DTL: variants seen among roughly 807,000 people sequenced by gnomAD.
DTL encodes denticleless E3 ubiquitin protein ligase adapter.
DTL carries 46 observed loss-of-function variants against 87.0 expected under a neutral mutation model. That is an observed-to-expected ratio of 0.53 (90% CI 0.42 to 0.68). The LOEUF (loss-of-function observed/expected upper bound fraction) is 0.68, where lower values mean the gene tolerates loss of function less well. DTL is among the 30% of genes least tolerant of loss of function. DTL has a pLI of 0.00. For synonymous variants in DTL, 308 were observed against 311.2 expected, an observed-to-expected ratio of 0.99 and a Z score of 0.11; for missense variants, 737 against 869.4, an observed-to-expected ratio of 0.85 and a Z score of 1.91.
At chr1:212,060,309 A>C (rs1668305176) in intron 5 of DTL, among the ~76,000 whole-genome samples, 1 of 152,260 alleles carries the variant, frequency 6.6e-6, no homozygotes, top group Non-Finnish European at 1.5e-5. Context: ...TAGAGAATTC[A>C]GAAATAAATC....
intron 13 of DTL, among the ~76,000 whole-genome samples, chr1:212,088,012 G>C (rs1655180458): frequency 6.6e-6 from 1 of 152,114 alleles, no homozygotes; most frequent in Non-Finnish European, 1.5e-5. Context: ...AGATCTCATA[G>C]CACTGTTGAA....
At chr1:212,090,210 A>T (rs778541630) in intron 13 of DTL, among the ~76,000 whole-genome samples, 2 of 152,208 alleles carry the variant, frequency 1.3e-5, no homozygotes, top group Non-Finnish European at 2.9e-5. Flanking sequence ...GGTTCTAAAC[A>T]TATGGTTGAT....
At chr1:212,100,148 T>C (rs1655572097) in intron 13 of DTL, 104 bp from the exon 14 acceptor site, 2 of 804,072 alleles carry the variant, frequency 2.5e-6, no homozygotes, top group Non-Finnish European at 3.9e-6. Flanking sequence ...TACTGGCAAA[T>C]TGACCCTTAG....
Position 212,100,702 on chromosome 1 carries a change from G to A in DTL, c.1712G>A (p.Cys571Tyr). 6.2e-7 allele frequency: 1 copy of A among 1,614,164 alleles called. No individual in the cohort carries two copies. The highest frequency in any genetic ancestry group is 8.5e-7 in the Non-Finnish European group (1 of 1,180,028). ...GTGAAACAAAAGTGTGTGAAGAGTT[G>A]TAACTGTGTGACTGAGCTTGATGGC... Reference protein sequence around the residue: ...ESVKQKCVKSCNCVTELDGQV... With the variant: ...ESVKQKCVKSYNCVTELDGQV... Residue 571 changes from cysteine to tyrosine, a missense_variant, in exon 14 of 15, where the codon TGT (cysteine) becomes TAT (tyrosine). Physicochemically the swap from Cys to Tyr is radical, Grantham distance 194 (BLOSUM62 -2). Coordinates refer to ENST00000366991, the MANE Select transcript of DTL (RefSeq NM_016448.4).
Position 212,078,349 on chromosome 1 carries a change from A to G in DTL, c.1125+87A>G. On this transcript the variant is annotated intron_variant, in intron 12 of 14. Transcript: ENST00000366991. ...AAGGTTTGTTTTGAGAATGATATAA[A>G]TTTTTATGTTTAAGTTGAGATTTTA... 3 of 842,708 alleles carry G rather than the reference A, an allele frequency of 3.6e-6. No individual in the cohort carries two copies. The South Asian group carries it at 4.7e-5, about 13-fold the overall frequency. The allele number at this position is 842,708 out of a possible 1,614,324, so 52.2% of individuals were successfully genotyped here.
intron 14 of DTL, among the ~76,000 whole-genome samples, chr1:212,102,630 C>A (rs1655656328): frequency 6.6e-6 from 1 of 151,870 alleles, no homozygotes; most frequent in African/African-American, 2.4e-5. Flanking sequence ...CATAAGAAGT[C>A]TATGCCTTCT....
intron 6 of DTL, among the ~76,000 whole-genome samples, chr1:212,063,501 G>A (rs1476489095): frequency 6.6e-6 from 1 of 151,886 alleles, no homozygotes; most frequent in Non-Finnish European, 1.5e-5. Context: ...ATGTTGGCCA[G>A]GCTGGTCTCA....
At position 212,065,047 on chromosome 1, in the gene DTL, T is replaced by C; in HGVS notation, c.639+18T>C. On this transcript the variant is annotated intron_variant, in intron 7 of 14. Coordinates refer to ENST00000366991, the MANE Select transcript of DTL (RefSeq NM_016448.4). The stretch of plus-strand genomic sequence containing the variant: ...CTTCTGTGGTAAGGTTTTACAGATG[T>C]ATACATGTGTGCAGATCTTATCTGT... 5 of 1,538,570 alleles carry C rather than the reference T, an allele frequency of 3.2e-6. No homozygotes were observed. The highest frequency in any genetic ancestry group is 4.5e-6 in the Non-Finnish European group (5 of 1,111,364).
chr1:212,102,653 C>T (rs1221779833), intron 14 of DTL, among the ~76,000 whole-genome samples, 189 bp from the exon 15 acceptor site: 1 of 152,158 alleles, frequency 6.6e-6, no homozygotes, highest in Non-Finnish European at 1.5e-5. Context: ...CCCTACATAT[C>T]ATCTGTTAAG....
At position 212,104,138 on chromosome 1, in the gene DTL, T is replaced by G. The variant is rs543645943; in HGVS notation, c.*1198T>G. Reference sequence around the variant, plus strand: ...AACCATTGTTTTATATTTTTCACCTTTGTAACCTCATGGAAAGAGGCTTTA... The same window carrying G: ...AACCATTGTTTTATATTTTTCACCTGTGTAACCTCATGGAAAGAGGCTTTA... On this transcript the variant is annotated 3_prime_UTR_variant, in exon 15 of 15. Coordinates refer to ENST00000366991, the MANE Select transcript of DTL (RefSeq NM_016448.4). The G allele has an allele frequency of 6.6e-6, 1 of 152,342 alleles. No individual in the cohort carries two copies. The highest frequency in any genetic ancestry group is 1.9e-4 in the East Asian group (1 of 5,186). 9.4% of individuals were successfully genotyped at this position (152,342 alleles called of 1,614,324 possible).
At chr1:212,073,777 T>A (rs537957964) in intron 11 of DTL, among the ~76,000 whole-genome samples, 5 of 152,168 alleles carry the variant, frequency 3.3e-5, no homozygotes, top group Non-Finnish European at 7.4e-5. Context: ...AAGTATATAC[T>A]TGACTCCATC....
intron 13 of DTL, among the ~76,000 whole-genome samples, chr1:212,099,949 A>G (rs1294162077): frequency 6.6e-6 from 1 of 152,190 alleles, no homozygotes; most frequent in African/African-American, 2.4e-5. Context: ...TCACATGCAC[A>G]AATATAGAAA....
At chr1:212,098,122 G>A (rs751315792) in intron 13 of DTL, among the ~76,000 whole-genome samples, 1 of 152,202 alleles carries the variant, frequency 6.6e-6, no homozygotes, top group African/African-American at 2.4e-5. Context: ...TCTAATGGAG[G>A]TGGTAGGAAA....
chr1:212,078,945 G>A (rs1654914061), intron 12 of DTL, among the ~76,000 whole-genome samples: 2 of 152,126 alleles, frequency 1.3e-5, no homozygotes, highest in Non-Finnish European at 2.9e-5. Flanking sequence ...GAGTTATTCT[G>A]GGTTCTACAG....
chr1:212,044,786 T>C, intron 3 of DTL, 28 bp downstream of exon 3: 1 of 1,445,866 alleles, frequency 6.9e-7, no homozygotes. Context: ...ATTTTTGTTT[T>C]AACATTTAAA....
chr1:212,058,477 A>C (rs1571952529), intron 5 of DTL, among the ~76,000 whole-genome samples: 1 of 152,144 alleles, frequency 6.6e-6, no homozygotes, highest in African/African-American at 2.4e-5. Flanking sequence ...AAATTAAGGA[A>C]ATTTTTACAA....
intron 11 of DTL, among the ~76,000 whole-genome samples, chr1:212,075,033 C>T (rs1013330320): frequency 4.6e-5 from 7 of 152,140 alleles, no homozygotes; most frequent in Non-Finnish European, 8.8e-5. Context: ...TGAATAGCAT[C>T]GAAGTGGTTA....
At position 212,072,061 on chromosome 1, in the gene DTL, A is replaced by G. The variant is rs766500536; in HGVS notation, c.923-40A>G. ...GTCTATATCCATTTGACCACTAGAA[A>G]TAACAAGAGCCAAGTAATTTGGTTT... On this transcript the variant is annotated intron_variant, in intron 10 of 14. Coordinates refer to ENST00000366991, the MANE Select transcript of DTL (RefSeq NM_016448.4). The G allele has an allele frequency of 1.8e-5, 26 of 1,452,326 alleles. No individual in the cohort carries two copies. The South Asian group carries it at 2.7e-4, about 15-fold the overall frequency. 90.0% of individuals were successfully genotyped at this position (1,452,326 alleles called of 1,614,324 possible).
At chr1:212,076,706 G>C (rs1186720653) in intron 11 of DTL, among the ~76,000 whole-genome samples, 1 of 152,116 alleles carries the variant, frequency 6.6e-6, no homozygotes, top group Non-Finnish European at 1.5e-5. Context: ...AAACTTAATC[G>C]ACTGGGGCCA....
Sources: allele counts gnomAD v4.1 joint callset (sites outside exome capture counted in the v4.1 genomes callset), GRCh38; gene constraint gnomAD v4.1.1; transcripts MANE v1.5; gene names NCBI Gene and HGNC (gene_info 2026-07-23, HGNC 2026-07-21).